The following SLC2A13 variants were observed in gnomAD, a reference collection of about 807,000 sequenced individuals.
SLC2A13 encodes solute carrier family 2 member 13.
In SLC2A13, 32 loss-of-function variants were observed where a neutral mutation model predicts 64.4. That is an observed-to-expected ratio of 0.50 (90% CI 0.37 to 0.67). SLC2A13 has a LOEUF of 0.67. SLC2A13 is among the 30% of genes least tolerant of loss of function. The probability of loss-of-function intolerance (pLI) is 0.00; values close to 1 mark genes in which losing one functional copy is unlikely to be tolerated. For missense variants in SLC2A13, 743 were observed against 829.2 expected (o/e 0.90, Z 1.28); for synonymous variants, 338 against 327.1 (o/e 1.03, Z -0.36).
intron 3 of SLC2A13, among the ~76,000 whole-genome samples, chr12:40,023,884 G>A (rs886986036): frequency 7.9e-5 from 12 of 152,242 alleles, no homozygotes; most frequent in Admixed American, 3.3e-4. Context: ...GGAAAAAAAC[G>A]GTTTACAGTC....
intron 6 of SLC2A13, among the ~76,000 whole-genome samples, chr12:39,834,310 C>T (rs985382463): frequency 6.6e-6 from 1 of 152,016 alleles, no homozygotes; most frequent in African/African-American, 2.4e-5. Flanking sequence ...AATTTTCTCA[C>T]ATTTAAACTC....
chr12:39,919,571 T>C (rs1385900233), intron 4 of SLC2A13, among the ~76,000 whole-genome samples: 1 of 152,090 alleles, frequency 6.6e-6, no homozygotes, highest in Non-Finnish European at 1.5e-5. Flanking sequence ...CCATGGGTTT[T>C]GAGGTATAGT....
At chr12:39,912,578 G>A (rs967765661) in intron 4 of SLC2A13, among the ~76,000 whole-genome samples, 1 of 152,132 alleles carries the variant, frequency 6.6e-6, no homozygotes, top group Non-Finnish European at 1.5e-5. Flanking sequence ...ATTAGGGATG[G>A]ATTGGGAAGA....
chr12:39,769,006 T>G (rs906481503), intron 7 of SLC2A13, among the ~76,000 whole-genome samples: 1 of 152,082 alleles, frequency 6.6e-6, no homozygotes, highest in African/African-American at 2.4e-5. Flanking sequence ...TTTTTCACCA[T>G]TTGAGTTCCC....
chr12:39,769,655 C>T (rs1031925470), intron 7 of SLC2A13, among the ~76,000 whole-genome samples: 5 of 151,986 alleles, frequency 3.3e-5, no homozygotes, highest in African/African-American at 7.3e-5. Flanking sequence ...TCTGGGGTCA[C>T]GTTCCATCAA....
chr12:40,048,034 A>G lies in SLC2A13; in HGVS notation c.716+17T>C, dbSNP rs769098350. On this transcript the variant is annotated intron_variant, in intron 2 of 9. Coordinates refer to ENST00000280871, the MANE Select transcript of SLC2A13 (RefSeq NM_052885.4). The stretch of plus-strand genomic sequence containing the variant: ...AATCAAGATTTGAAAAATTAAATGT[A>G]AAAAGTATTTACAAACCTCCATCCA... The G allele has an allele frequency of 1.7e-5, 27 of 1,567,910 alleles. No homozygotes were observed. In the African/African-American group the frequency reaches 2.8e-4, roughly 16 times the overall value.
At chr12:39,768,360 G>A (rs1451506169) in intron 7 of SLC2A13, among the ~76,000 whole-genome samples, 1 of 152,086 alleles carries the variant, frequency 6.6e-6, no homozygotes. Flanking sequence ...GTTCACTGGA[G>A]TGGCACTTTT....
At chr12:39,849,336 T>C (rs1943403733) in intron 6 of SLC2A13, among the ~76,000 whole-genome samples, 1 of 152,142 alleles carries the variant, frequency 6.6e-6, no homozygotes. Context: ...TCCAAGTTAC[T>C]TGGACAGCAT....
In SLC2A13 at chr12:39,955,852, G is replaced by T. The variant is rs1017693999; in HGVS notation, c.926-4487C>A. Among the ~76,000 whole-genome samples the T allele has an allele frequency of 6.6e-5, 10 of 152,266 alleles. No individual in the cohort carries two copies. In the East Asian group the frequency reaches 1.2e-3, roughly 18 times the overall value. On this transcript the variant is annotated intron_variant, in intron 3 of 9. Coordinates refer to ENST00000280871, the MANE Select transcript of SLC2A13 (RefSeq NM_052885.4). ...GCCCCCAGAAGCTGGAAAAAGGAAG[G>T]AAGAGGTTGTCCTCTACGGACTCTG...
chr12:40,098,144 C>A (rs753399265), intron 1 of SLC2A13, among the ~76,000 whole-genome samples: 16 of 151,704 alleles, frequency 1.1e-4, no homozygotes, highest in South Asian at 8.3e-4. Flanking sequence ...TATATATACA[C>A]ACACATATAC....
At chr12:39,791,047 G>C (rs1449837158) in intron 7 of SLC2A13, among the ~76,000 whole-genome samples, 1 of 130,616 alleles carries the variant, frequency 7.7e-6, no homozygotes, top group African/African-American at 2.9e-5. Flanking sequence ...CATGTCCTTT[G>C]CCCACTTTTT....
At chr12:40,069,379 ATCTC>A (rs913675868) in intron 1 of SLC2A13, among the ~76,000 whole-genome samples, 3 of 152,116 alleles carry the variant, frequency 2.0e-5, no homozygotes, top group African/African-American at 7.2e-5. Flanking sequence ...TAACAAATTT[ATCTC>A]TCTTTTGCAT....
At chr12:39,892,680 C>T (rs1354836939) in intron 4 of SLC2A13, among the ~76,000 whole-genome samples, 1 of 152,012 alleles carries the variant, frequency 6.6e-6, no homozygotes, top group Non-Finnish European at 1.5e-5. Flanking sequence ...AAATAGTAGC[C>T]TGGACAATTA....
chr12:40,018,341 C>G (rs541070028), intron 3 of SLC2A13, among the ~76,000 whole-genome samples: 1 of 152,240 alleles, frequency 6.6e-6, no homozygotes, highest in Non-Finnish European at 1.5e-5. Flanking sequence ...AGTTTGACAA[C>G]CCCTAGGATA....
chr12:39,968,584 T>C (rs185631949), intron 3 of SLC2A13, among the ~76,000 whole-genome samples: 18 of 151,976 alleles, frequency 1.2e-4, no homozygotes, highest in Admixed American at 8.5e-4. Flanking sequence ...TGGGATCTTG[T>C]ACACTATTAT....
At chr12:39,949,900 G>T (rs1368112409) in intron 4 of SLC2A13, 1 of 152,132 alleles carries the variant, frequency 6.6e-6, no homozygotes, top group Admixed American at 6.5e-5. Flanking sequence ...CTCAGAACAA[G>T]TCATGATGTG....
chr12:39,912,256 C>T (rs542912268), intron 4 of SLC2A13, among the ~76,000 whole-genome samples: 3 of 152,154 alleles, frequency 2.0e-5, no homozygotes, highest in South Asian at 4.1e-4. Context: ...TCTGTGAAAA[C>T]TCTCTCAGCA....
At chr12:39,971,997 A>G (rs75991697) in intron 3 of SLC2A13, among the ~76,000 whole-genome samples, 1 of 77,380 alleles carries the variant, frequency 1.3e-5, no homozygotes, top group Non-Finnish European at 2.5e-5. Context: ...AAAAAAAAAA[A>G]ATATATATAT....
At chr12:40,042,617 T>C (rs1057203926) in intron 2 of SLC2A13, among the ~76,000 whole-genome samples, 5 of 152,190 alleles carry the variant, frequency 3.3e-5, no homozygotes, top group African/African-American at 1.2e-4. Flanking sequence ...CTTTTTATGC[T>C]AACTAAGAGT....
Sources: allele counts gnomAD v4.1 joint callset (sites outside exome capture counted in the v4.1 genomes callset), GRCh38; gene constraint gnomAD v4.1.1; transcripts MANE v1.5; gene names NCBI Gene and HGNC (gene_info 2026-07-23, HGNC 2026-07-21).